Variants in DPYS observed in about 807,000 individuals in gnomAD.
DPYS encodes dihydropyrimidine amidohydrolase.
In DPYS, 39 loss-of-function variants were observed where a neutral mutation model predicts 50.3. That is an observed-to-expected ratio of 0.78 (90% CI 0.60 to 1.01). DPYS has a LOEUF of 1.01. DPYS is among the 50% of genes least tolerant of loss of function. DPYS has a pLI of 0.00. For synonymous variants in DPYS, 245 were observed against 250.7 expected (o/e 0.98, Z 0.22); for missense variants, 659 against 680.9 (o/e 0.97, Z 0.36).
chr8:104,438,234 T>G (rs1170322290), intron 4 of DPYS, among the ~76,000 whole-genome samples: 1 of 152,094 alleles, frequency 6.6e-6, no homozygotes, highest in Non-Finnish European at 1.5e-5. Context: ...GTCAGCAGAT[T>G]CTCCTCCCAC....
At chr8:104,428,575 C>A (rs983028592) in intron 5 of DPYS, among the ~76,000 whole-genome samples, 1 of 152,248 alleles carries the variant, frequency 6.6e-6, no homozygotes, top group Admixed American at 6.5e-5. Context: ...CCCTCCGGGG[C>A]AGTCCCTAGC....
chr8:104,395,924 A>C (rs1225909562), intron 7 of DPYS, among the ~76,000 whole-genome samples: 2 of 152,188 alleles, frequency 1.3e-5, no homozygotes, highest in African/African-American at 4.8e-5. Flanking sequence ...AATCACCAAG[A>C]AGCAGGAGGC....
intron 3 of DPYS, among the ~76,000 whole-genome samples, chr8:104,445,440 A>G (rs1199242964): frequency 3.3e-5 from 5 of 152,238 alleles, no homozygotes; most frequent in Admixed American, 2.6e-4. Flanking sequence ...TCTGCCATAA[A>G]AAAGAATGAG....
chr8:104,425,018 C>T (rs770473949), intron 6 of DPYS, among the ~76,000 whole-genome samples: 11 of 151,972 alleles, frequency 7.2e-5, no homozygotes, highest in East Asian at 1.9e-4. Context: ...TTAGTAGAGA[C>T]GGGGTTTCAC....
At chr8:104,381,378 C>T (rs1433259484) in intron 8 of DPYS, 64 bp from the exon 9 acceptor site, 2 of 1,421,390 alleles carry the variant, frequency 1.4e-6, no homozygotes, top group Non-Finnish European at 9.9e-7. Context: ...TTAAGTGTAG[C>T]TCCCTTTATG....
chr8:104,424,826 C>T (rs988363841), intron 6 of DPYS, among the ~76,000 whole-genome samples: 84 of 135,802 alleles, frequency 6.2e-4, no homozygotes, highest in African/African-American at 2.1e-3. Flanking sequence ...GGTGACAACA[C>T]TTTTTTTTTT....
intron 7 of DPYS, among the ~76,000 whole-genome samples, chr8:104,406,569 G>A (rs1434096555): frequency 1.3e-5 from 2 of 152,146 alleles, no homozygotes; most frequent in African/African-American, 2.4e-5. Context: ...AAACAAGAAC[G>A]GGCTCAGGTC....
chr8:104,390,780 T>A (rs1588399741), intron 8 of DPYS, among the ~76,000 whole-genome samples: 2 of 152,106 alleles, frequency 1.3e-5, no homozygotes, highest in East Asian at 3.9e-4. Context: ...ATTACAGGTG[T>A]GAACCACCAC....
rs372625757 is a variant in DPYS, at chr8:104,447,393, G to C, written c.534C>G (p.Ala178=). The C allele has an allele frequency of 1.9e-6, 3 of 1,614,050 alleles. No individual in the cohort carries two copies. Among genetic ancestry groups the C allele is most frequent in the Non-Finnish European group, 2.5e-6 (3 of 1,180,014 alleles). ...CTCCAATTTCCTTGCACCGAGAGAA[G>C]GCTTCGTACAGCTCCAGGTCTGTCA... ...YMVTDLELYE[A]FSRCKEIGAI... is the part of the protein sequence containing the mutation. Residue 178 remains alanine, a synonymous_variant, in exon 3 of 10, where the codon GCC becomes GCG. Coordinates refer to ENST00000351513, the MANE Select transcript of DPYS (RefSeq NM_001385.3).
intron 1 of DPYS, among the ~76,000 whole-genome samples, chr8:104,454,236 A>G (rs978666827): frequency 5.3e-5 from 8 of 152,068 alleles, no homozygotes; most frequent in Non-Finnish European, 1.2e-4. Flanking sequence ...AAATACAAAA[A>G]TTAGCTGGGC....
intron 7 of DPYS, among the ~76,000 whole-genome samples, chr8:104,407,687 T>A (rs555453888): frequency 6.6e-6 from 1 of 152,246 alleles, no homozygotes; most frequent in Non-Finnish European, 1.5e-5. Flanking sequence ...ATTTTAGGAA[T>A]TGGAAACACT....
At chr8:104,409,470 G>T (rs1056475515) in intron 7 of DPYS, among the ~76,000 whole-genome samples, 4 of 151,834 alleles carry the variant, frequency 2.6e-5, no homozygotes, top group Admixed American at 6.6e-5. Flanking sequence ...GGGTGACAGA[G>T]AAATAAATTA....
At chr8:104,451,557 G>A (rs1371151405) in intron 1 of DPYS, among the ~76,000 whole-genome samples, 153 bp from the exon 2 acceptor site, 2 of 152,098 alleles carry the variant, frequency 1.3e-5, no homozygotes, top group African/African-American at 2.4e-5. Flanking sequence ...GACCCAGAAG[G>A]GCATGAATAG....
chr8:104,438,231 G>C (rs551965817), intron 4 of DPYS, among the ~76,000 whole-genome samples: 1 of 152,286 alleles, frequency 6.6e-6, no homozygotes, highest in East Asian at 1.9e-4. Context: ...AAAGTCAGCA[G>C]ATTCTCCTCC....
chr8:104,437,531 A>G (rs533789154), intron 4 of DPYS, among the ~76,000 whole-genome samples: 1 of 152,290 alleles, frequency 6.6e-6, no homozygotes, highest in East Asian at 1.9e-4. Context: ...AAATTACACA[A>G]TATGGCCTAA....
intron 7 of DPYS, among the ~76,000 whole-genome samples, chr8:104,406,154 C>G (rs983295896): frequency 1.3e-4 from 20 of 152,152 alleles, no homozygotes; most frequent in African/African-American, 4.8e-4. Context: ...ATGGCCCCTC[C>G]TTGCCTGCCC....
chr8:104,403,724 C>T (rs1055223423), intron 7 of DPYS, among the ~76,000 whole-genome samples: 1 of 152,116 alleles, frequency 6.6e-6, no homozygotes, highest in Non-Finnish European at 1.5e-5. Context: ...TAGTTTGACA[C>T]TGGAAAATAA....
chr8:104,421,791 T>TA (rs1372305535), intron 7 of DPYS, among the ~76,000 whole-genome samples: 2 of 151,046 alleles, frequency 1.3e-5, no homozygotes, highest in Non-Finnish European at 3.0e-5. Flanking sequence ...ATAGATCTTT[T>TA]AAAAAAAATC....
chr8:104,424,894 T>C (rs1324786172), intron 6 of DPYS, among the ~76,000 whole-genome samples: 3 of 149,116 alleles, frequency 2.0e-5, no homozygotes, highest in Admixed American at 6.7e-5. Context: ...TGGTGCGATC[T>C]TGGCTCACTG....
Sources: gnomAD v4.1 joint callset for allele counts (sites outside exome capture counted in the v4.1 genomes callset) on GRCh38, gnomAD v4.1.1 for gene constraint, MANE v1.5 for transcripts, NCBI Gene and HGNC (gene_info 2026-07-23, HGNC 2026-07-21) for gene names.